Variants in CLDN16 observed in about 807,000 individuals in gnomAD.
CLDN16 encodes claudin 16, also known as claudin-16.
CLDN16 carries 13 observed loss-of-function variants against 24.6 expected under a neutral mutation model. The observed-to-expected ratio is 0.53, with a 90% CI of 0.34 to 0.84. The LOEUF is 0.84. CLDN16 is among the 40% of genes least tolerant of loss of function. The probability of loss-of-function intolerance (pLI) is 0.01; values close to 1 mark genes in which losing one functional copy is unlikely to be tolerated. For synonymous variants in CLDN16, 116 were observed against 106.7 expected (o/e 1.09, Z -0.54); for missense variants, 298 against 292.7 (o/e 1.02, Z -0.13).
intron 1 of CLDN16, among the ~76,000 whole-genome samples, chr3:190,352,238 A>G (rs1034623399): frequency 1.3e-5 from 2 of 152,086 alleles, no homozygotes; most frequent in Non-Finnish European, 2.9e-5. Flanking sequence ...CATAATTAAC[A>G]ATTTTAAAGA....
intron 1 of CLDN16, among the ~76,000 whole-genome samples, chr3:190,355,905 AT>A (rs143450588): frequency 6.6e-6 from 1 of 151,064 alleles, no homozygotes; most frequent in Non-Finnish European, 1.5e-5. Flanking sequence ...TGGTTCTTTT[AT>A]TTTTTTTAAC....
intron 1 of CLDN16, among the ~76,000 whole-genome samples, chr3:190,389,260 G>A (rs1294218006): frequency 6.6e-6 from 1 of 151,994 alleles, no homozygotes; most frequent in African/African-American, 2.4e-5. Context: ...TGAGGCTTAG[G>A]AAAACACAGG....
the CLDN16 span, chr3:190,308,260 C>A: frequency 6.2e-7 from 1 of 1,613,456 alleles, no homozygotes; most frequent in African/African-American, 1.3e-5. Flanking sequence ...ACATGATTTT[C>A]TCCTTTTGCC....
In CLDN16 at chr3:190,395,669, G is replaced by A. The variant is rs3774009; in HGVS notation, c.115-6668G>A. Among the ~76,000 whole-genome samples the A allele has an allele frequency of 3.3e-5, 5 of 152,086 alleles. No homozygotes were observed. In the East Asian group the frequency reaches 9.7e-4, roughly 29 times the overall value. On this transcript the variant is annotated intron_variant, in intron 1 of 4. Coordinates refer to ENST00000264734, the MANE Select transcript of CLDN16 (RefSeq NM_006580.4). ...TCAAGGTTAAAATATATTAGCACAT[G>A]GATAGTAAAGTGGTGTGAAAATTAT...
the CLDN16 span, among the ~76,000 whole-genome samples, chr3:190,309,114 G>T: frequency 3.9e-5 from 6 of 152,140 alleles, no homozygotes; most frequent in Non-Finnish European, 8.8e-5. Flanking sequence ...CTGCAATTCT[G>T]GGATAGCAAC....
rs35220103 is a variant in CLDN16 at position 190,392,059 on chromosome 3, C to CTTTTTTTTTTTTT, written c.114+3621_114+3633dup. Among the ~76,000 whole-genome samples the CTTTTTTTTTTTTT allele has an allele frequency of 3.4e-3, 423 of 126,038 alleles. 23 individuals are homozygous for CTTTTTTTTTTTTT. The highest frequency in any genetic ancestry group is 4.7e-3 in the Non-Finnish European group (276 of 59,280). 82.7% of individuals were successfully genotyped at this position (126,038 alleles called of 152,430 possible). ...AGTTGTTTCTAAGGTCCTTTTCAGT[C>CTTTTTTTTTTTTT]TTTTTTTTTTTTTTTTTAACATCAT... On this transcript the variant is annotated intron_variant, in intron 1 of 4. Coordinates refer to ENST00000264734, the MANE Select transcript of CLDN16 (RefSeq NM_006580.4).
the CLDN16 span, among the ~76,000 whole-genome samples, chr3:190,313,750 C>T: frequency 6.6e-6 from 1 of 152,178 alleles, no homozygotes; most frequent in East Asian, 1.9e-4. Flanking sequence ...TAAAATAGCA[C>T]ACACAATAAT....
At chr3:190,391,608 C>A (rs565108624) in intron 1 of CLDN16, among the ~76,000 whole-genome samples, 4 of 152,130 alleles carry the variant, frequency 2.6e-5, no homozygotes, top group South Asian at 2.1e-4. Context: ...GCAGCAGGGG[C>A]CTTTCAGATA....
Position 190,404,887 on chromosome 3 carries a change from C to T in CLDN16, c.343C>T (p.Arg115Cys), listed in dbSNP as rs929948127. 3 of 1,614,056 alleles carry T rather than the reference C, an allele frequency of 1.9e-6. No individual in the cohort carries two copies. The highest frequency in any genetic ancestry group is 1.1e-5 in the South Asian group (1 of 91,078). The change falls in exon 3 of 5, where the codon CGC becomes TGC. Residue 115 changes from arginine to cysteine, a missense_variant. Coordinates refer to ENST00000264734, the MANE Select transcript of CLDN16 (RefSeq NM_006580.4). Reference protein sequence around the residue: ...FLPDEPYIKVRICFVAGATLL... With the variant: ...FLPDEPYIKVCICFVAGATLL... ...CCCTGATGAGCCGTACATTAAAGTC[C>T]GCATCTGCTTTGTTGCTGGAGCCAC...
intron 1 of CLDN16, among the ~76,000 whole-genome samples, chr3:190,369,943 A>T (rs1162005332): frequency 6.6e-6 from 1 of 151,994 alleles, no homozygotes; most frequent in Non-Finnish European, 1.5e-5. Context: ...TCACAAACTG[A>T]GAATTGGCAA....
At chr3:190,334,489 C>A (rs935077516) in intron 1 of CLDN16, among the ~76,000 whole-genome samples, 1 of 152,224 alleles carries the variant, frequency 6.6e-6, no homozygotes, top group Non-Finnish European at 1.5e-5. Context: ...AAGCACTGGA[C>A]AATTTTTTGT....
intron 1 of CLDN16, among the ~76,000 whole-genome samples, chr3:190,323,578 G>A (rs773490402): frequency 1.3e-5 from 2 of 152,142 alleles, no homozygotes; most frequent in Non-Finnish European, 2.9e-5. Flanking sequence ...GGGAGGGGAA[G>A]CTTCTATGGT....
At chr3:190,348,801 T>C (rs1027610974) in intron 1 of CLDN16, among the ~76,000 whole-genome samples, 1 of 152,148 alleles carries the variant, frequency 6.6e-6, no homozygotes, top group African/African-American at 2.4e-5. Context: ...TTTTTCCTGA[T>C]CCTCTTTCTC....
intron 1 of CLDN16, among the ~76,000 whole-genome samples, chr3:190,400,955 T>C (rs1718946091): frequency 6.6e-6 from 1 of 152,230 alleles, no homozygotes; most frequent in Admixed American, 6.5e-5. Flanking sequence ...GTTACTTAAC[T>C]TTCCTGTGCC....
At chr3:190,387,153 A>C (rs1718520568), upstream of CLDN16, among the ~76,000 whole-genome samples, 1 of 152,058 alleles carries the variant, frequency 6.6e-6, no homozygotes, top group East Asian at 1.9e-4. Flanking sequence ...TCTCATTCAA[A>C]ATTTTTATTT....
the CLDN16 span, among the ~76,000 whole-genome samples, chr3:190,296,749 AC>A: frequency 3.3e-5 from 5 of 151,710 alleles, no homozygotes; most frequent in African/African-American, 9.7e-5. Flanking sequence ...TGGGGGTTTC[AC>A]CGTGTTAGCC....
intron 1 of CLDN16, among the ~76,000 whole-genome samples, chr3:190,391,012 C>G (rs1718643776): frequency 6.6e-6 from 1 of 152,106 alleles, no homozygotes; most frequent in Non-Finnish European, 1.5e-5. Flanking sequence ...GTCTCCAACT[C>G]CAGGCCTCAA....
chr3:190,309,564 A>T, the CLDN16 span, among the ~76,000 whole-genome samples: 1 of 152,218 alleles, frequency 6.6e-6, no homozygotes, highest in South Asian at 2.1e-4. Flanking sequence ...TGATTAAAGA[A>T]TGTTGTTACA....
upstream of CLDN16, among the ~76,000 whole-genome samples, chr3:190,318,956 C>A (rs1345009013): frequency 1.3e-5 from 2 of 152,134 alleles, no homozygotes; most frequent in Non-Finnish European, 2.9e-5. Flanking sequence ...AGCTTATAAA[C>A]AAATTACAGA....
Sources: gnomAD v4.1 joint callset for allele counts (sites outside exome capture counted in the v4.1 genomes callset) on GRCh38, gnomAD v4.1.1 for gene constraint, MANE v1.5 for transcripts, NCBI Gene and HGNC (gene_info 2026-07-23, HGNC 2026-07-21) for gene names.